Variants in TET1 observed in about 807,000 individuals in gnomAD.
TET1 encodes methylcytosine dioxygenase TET1.
TET1 carries 13 observed loss-of-function variants against 148.7 expected under a neutral mutation model. The ratio of observed to expected loss-of-function variants is 0.09; its 90% CI spans 0.06 to 0.14. TET1 has a LOEUF of 0.14. Ranked by LOEUF, TET1 falls within the 10% of genes least tolerant of loss-of-function variation. The probability of loss-of-function intolerance (pLI) is 1.00; values close to 1 mark genes in which losing one functional copy is unlikely to be tolerated. For synonymous variants in TET1, 907 were observed against 937.2 expected (o/e 0.97, Z 0.59); for missense variants, 2,182 against 2,553.8 (o/e 0.85, Z 3.14).
chr10:68,645,999 C>G lies in TET1; in HGVS notation c.3270C>G (p.Ile1090Met). 6.2e-7 allele frequency: 1 copy of G among 1,613,940 alleles called. No homozygotes were observed. The highest frequency in any genetic ancestry group is 8.5e-7 in the Non-Finnish European group (1 of 1,179,984). ...CACAACTTGCTTCGATAATTAAGATCAATTATATAAAACCAGAGGACAAAA... is the reference window on the plus strand; with the variant it reads ...CACAACTTGCTTCGATAATTAAGATGAATTATATAAAACCAGAGGACAAAA... ...QLTQLASIIK[I>M]NYIKPEDKKV... The change falls in exon 4 of 12, where the codon ATC (isoleucine) becomes ATG (methionine). Residue 1090 changes from isoleucine to methionine, a missense_variant. By Grantham distance (10) the Ile-to-Met change is conservative. Around this residue, in one of 11 missense-constraint regions of TET1, gnomAD observed 582 missense variants for 599.5 expected, o/e 0.97. Transcript: ENST00000373644.
At chr10:68,628,833 T>G (rs1452244559) in intron 3 of TET1, among the ~76,000 whole-genome samples, 3 of 152,008 alleles carry the variant, frequency 2.0e-5, no homozygotes, top group Admixed American at 1.3e-4. Context: ...CCCTCCTAGG[T>G]GATGTTGATG....
chr10:68,660,345 T>G (rs1004274507), intron 6 of TET1, among the ~76,000 whole-genome samples: 1 of 149,074 alleles, frequency 6.7e-6, no homozygotes, highest in Non-Finnish European at 1.5e-5. Context: ...TTCTTCTTCT[T>G]TTTTTTTTTT....
intron 3 of TET1, among the ~76,000 whole-genome samples, chr10:68,619,323 G>A (rs10998333): frequency 0.32 from 48,357 of 151,820 alleles, 8,268 homozygotes; most frequent in Middle Eastern, 0.39. Flanking sequence ...TCCGCCTCCC[G>A]GGCTCAAGCG....
rs1175135226 is a variant in TET1, at chr10:68,645,793, G to A, written c.3064G>A (p.Ala1022Thr). The A allele has an allele frequency of 6.2e-7, 1 of 1,613,848 alleles. No individual in the cohort carries two copies. The highest frequency in any genetic ancestry group is 1.7e-5 in the Admixed American group (1 of 59,978). Residue 1022 changes from alanine to threonine, a missense_variant, in exon 4 of 12, where the codon GCT becomes ACT. This residue lies in a region of TET1 where 582 missense variants were observed against 599.5 expected (regional missense o/e 0.97). Transcript: ENST00000373644. ...CAAGATTGACACCAATAAAAGTATT[G>A]CTCAAGGGATAATTACTCTTGACAA... Reference protein sequence around the residue: ...SSKIDTNKSIAQGIITLDNCS... With the variant: ...SSKIDTNKSITQGIITLDNCS...
intron 5 of TET1, 115 bp downstream of exon 5, chr10:68,652,051 G>T: frequency 1.0e-6 from 1 of 960,644 alleles, no homozygotes; most frequent in East Asian, 2.5e-5. Context: ...AGTATGAGTT[G>T]GATGTTTCTT....
At chr10:68,622,428 C>G (rs2054390849) in intron 3 of TET1, among the ~76,000 whole-genome samples, 1 of 152,000 alleles carries the variant, frequency 6.6e-6, no homozygotes, top group Admixed American at 6.6e-5. Flanking sequence ...CCAGACCCAG[C>G]TAATTTTTGT....
In TET1 at chr10:68,645,720, A is replaced by G; in HGVS notation, c.2991A>G (p.Ser997=). The change falls in exon 4 of 12, where the codon TCA becomes TCG. Residue 997 remains serine, a synonymous_variant. Transcript: ENST00000373644. ...NQASTKSHEY[S]KVTNSLSLFI... ...CATCCACAAAGTCACATGAATATTC[A>G]AAAGTCACAAATTCATTATCTCTTT... is the stretch of plus-strand genomic sequence containing the variant. 6.2e-7 allele frequency: 1 copy of G among 1,614,244 alleles called. No individual in the cohort carries two copies. Among genetic ancestry groups the G allele is most frequent in the Non-Finnish European group, 8.5e-7 (1 of 1,180,038 alleles).
intron 3 of TET1, chr10:68,632,496 T>C (rs891359066): frequency 1.2e-6 from 2 of 1,612,908 alleles, no homozygotes; most frequent in African/African-American, 2.7e-5. Flanking sequence ...TAGGATCTGT[T>C]GTGGCTGGCT....
At chr10:68,673,939 TTTTTTTTTCTTTTTCTTTTTC>T (rs2055312275) in intron 8 of TET1, among the ~76,000 whole-genome samples, 2 of 143,850 alleles carry the variant, frequency 1.4e-5, no homozygotes, top group African/African-American at 5.3e-5. Flanking sequence ...CTTTTTCTTT[TTTTTTTTTCTTTTTCTTTTTC>T]TTTTTTTTTT....
chr10:68,612,911 C>G (rs181285657), intron 3 of TET1, among the ~76,000 whole-genome samples: 7 of 152,190 alleles, frequency 4.6e-5, no homozygotes, highest in Non-Finnish European at 7.3e-5. Flanking sequence ...ACCCACCATG[C>G]CTGGCTGCTT....
In TET1 at chr10:68,572,595, G is replaced by T. The variant is rs766246075; in HGVS notation, c.257G>T (p.Arg86Met). 2 of 1,614,142 alleles carry T rather than the reference G, an allele frequency of 1.2e-6. No individual in the cohort carries two copies. Among genetic ancestry groups the T allele is most frequent in the South Asian group, 2.2e-5 (2 of 91,082 alleles). ...RAGAARMNLDRTEVLFQNPES... is the reference protein window; with the variant it reads ...RAGAARMNLDMTEVLFQNPES... ...GGAGCAGCACGCATGAATTTGGATA[G>T]GACTGAGGTTCTTTTTCAGAACCCA... Residue 86 changes from arginine (R) to methionine (M), a missense_variant, in exon 2 of 12, where the codon AGG becomes ATG. By Grantham distance (91) the Arg-to-Met change is moderately conservative. Around this residue, in one of 11 missense-constraint regions of TET1, gnomAD observed 665 missense variants for 672.4 expected, o/e 0.99. Coordinates refer to ENST00000373644, the MANE Select transcript of TET1 (RefSeq NM_030625.3).
At chr10:68,669,227 C>T (rs1057487817) in intron 7 of TET1, among the ~76,000 whole-genome samples, 1 of 135,746 alleles carries the variant, frequency 7.4e-6, no homozygotes, top group African/African-American at 2.6e-5. Context: ...AGAGCATGAT[C>T]AAGTCTTCCC....
chr10:68,640,728 A>AT (rs1222913803), intron 3 of TET1, among the ~76,000 whole-genome samples: 5 of 147,442 alleles, frequency 3.4e-5, no homozygotes, highest in South Asian at 2.2e-4. Context: ...ATTTTTTTGT[A>AT]TTTTAGTAGA....
intron 3 of TET1, among the ~76,000 whole-genome samples, chr10:68,610,303 G>C (rs2054188414): frequency 6.7e-6 from 1 of 148,936 alleles, no homozygotes; most frequent in Non-Finnish European, 1.5e-5. Flanking sequence ...CAAACAAAAA[G>C]GCCAGGCATG....
chr10:68,574,863 C>T (rs1370069131), intron 2 of TET1, among the ~76,000 whole-genome samples: 2 of 152,132 alleles, frequency 1.3e-5, no homozygotes, highest in Admixed American at 6.5e-5. Flanking sequence ...CAAAGTGATA[C>T]ACAAACATTA....
intron 3 of TET1, among the ~76,000 whole-genome samples, chr10:68,641,740 A>G (rs895004868): frequency 7.9e-5 from 12 of 152,036 alleles, no homozygotes; most frequent in Admixed American, 7.2e-4. Context: ...TGACCTCGTG[A>G]TCCGCTCACG....
At chr10:68,662,050 T>A (rs1426175013) in intron 6 of TET1, among the ~76,000 whole-genome samples, 1 of 152,068 alleles carries the variant, frequency 6.6e-6, no homozygotes, top group East Asian at 1.9e-4. Context: ...AACTTTTGTA[T>A]TTTTAATAGA....
chr10:68,639,461 TAC>T (rs1564984363), intron 3 of TET1, among the ~76,000 whole-genome samples: 4,655 of 141,848 alleles, frequency 0.033, 86 homozygotes, highest in South Asian at 0.042. Flanking sequence ...CTACTACTAC[TAC>T]TACTATTATT....
At chr10:68,564,561 C>T (rs1212994642) in intron 1 of TET1, among the ~76,000 whole-genome samples, 5 of 152,174 alleles carry the variant, frequency 3.3e-5, no homozygotes, top group Admixed American at 2.0e-4. Flanking sequence ...CCTTCCATGA[C>T]AGTAAGAACT....
Sources: allele counts gnomAD v4.1 joint callset (sites outside exome capture counted in the v4.1 genomes callset), GRCh38; gene constraint gnomAD v4.1.1; regional missense constraint gnomAD v4.1.1; transcripts MANE v1.5; gene names NCBI Gene and HGNC (gene_info 2026-07-23, HGNC 2026-07-21).